The following PCDH9 variants were observed in gnomAD, a reference collection of about 807,000 sequenced individuals.
PCDH9 encodes protocadherin-9.
PCDH9 carries 24 observed loss-of-function variants against 70.6 expected under a neutral mutation model. The ratio of observed to expected loss-of-function variants is 0.34; its 90% CI spans 0.25 to 0.48. The LOEUF is 0.48. Ranked by LOEUF, PCDH9 falls within the 20% of genes least tolerant of loss-of-function variation. The pLI, the probability that PCDH9 is intolerant of heterozygous loss-of-function variation, is 0.99. For missense variants in PCDH9, 1,281 were observed against 1,503.6 expected (o/e 0.85, Z 2.45); for synonymous variants, 562 against 558.5 (o/e 1.01, Z -0.09).
chr13:66,356,796 T>C (rs1593851287), intron 4 of PCDH9, among the ~76,000 whole-genome samples: 1 of 152,114 alleles, frequency 6.6e-6, no homozygotes, highest in South Asian at 2.1e-4. Flanking sequence ...CTAGATATGA[T>C]AAAGCTTTTT....
intron 2 of PCDH9, among the ~76,000 whole-genome samples, chr13:66,946,889 A>T (rs2083096968): frequency 1.3e-5 from 2 of 152,152 alleles, no homozygotes; most frequent in Non-Finnish European, 2.9e-5. Flanking sequence ...CTTATACAAA[A>T]TTTATGTTGA....
intron 4 of PCDH9, among the ~76,000 whole-genome samples, chr13:66,395,522 C>T (rs58298915): frequency 0.01 from 1,558 of 152,146 alleles, 31 homozygotes; most frequent in African/African-American, 0.035. Flanking sequence ...ATCGCTTGAA[C>T]ACGGGAGGCA....
At chr13:67,033,187 C>A (rs189119215) in intron 2 of PCDH9, among the ~76,000 whole-genome samples, 44 of 152,176 alleles carry the variant, frequency 2.9e-4, no homozygotes, top group Admixed American at 1.2e-3. Context: ...TTACATGCTA[C>A]CAATCAGTAC....
chr13:66,494,357 G>C (rs1039873800), intron 4 of PCDH9, among the ~76,000 whole-genome samples: 1 of 152,118 alleles, frequency 6.6e-6, no homozygotes, highest in African/African-American at 2.4e-5. Flanking sequence ...GAAATAGTAG[G>C]AATAGACAAG....
intron 2 of PCDH9, among the ~76,000 whole-genome samples, chr13:67,175,946 T>TAA (rs35318625): frequency 2.7e-4 from 39 of 146,430 alleles, no homozygotes; most frequent in Non-Finnish European, 2.9e-4. Context: ...AGTAAACCAT[T>TAA]AAAAAAAAAA....
At chr13:66,603,593 A>C (rs2077187815) in intron 4 of PCDH9, among the ~76,000 whole-genome samples, 2 of 151,970 alleles carry the variant, frequency 1.3e-5, no homozygotes, top group Non-Finnish European at 2.9e-5. Flanking sequence ...GAATATTTGA[A>C]CTTTAATTAA....
At chr13:66,631,869 C>A (rs1257686501) in intron 3 of PCDH9, among the ~76,000 whole-genome samples, 1 of 152,050 alleles carries the variant, frequency 6.6e-6, no homozygotes, top group Non-Finnish European at 1.5e-5. Flanking sequence ...CAACATATTT[C>A]CTACAGTACC....
chr13:66,441,075 A>G (rs1044185107), intron 4 of PCDH9, among the ~76,000 whole-genome samples: 1 of 152,222 alleles, frequency 6.6e-6, no homozygotes, highest in African/African-American at 2.4e-5. Context: ...CACAGAATAT[A>G]CACTAAGAAA....
At chr13:66,588,138 C>T (rs2076987734) in intron 4 of PCDH9, among the ~76,000 whole-genome samples, 1 of 152,022 alleles carries the variant, frequency 6.6e-6, no homozygotes, top group Admixed American at 6.6e-5. Context: ...CATTGGGCCA[C>T]CTTCACATAG....
rs181985493 is a variant in PCDH9, at chr13:66,451,806, T to A, written c.3341-146778A>T. 8.5e-4 allele frequency among the ~76,000 whole-genome samples: 129 copies of A among 152,370 alleles called. 2 individuals are homozygous for A. The East Asian group carries it at 0.023, about 28-fold the overall frequency. ...CATATGGAAAATTAATCTACATTTT[T>A]AAATTGGAGATCCTGTGATATTCCT... On this transcript the variant is annotated intron_variant, in intron 4 of 4. Transcript: ENST00000377865.
At chr13:67,178,118 A>G (rs757370098) in intron 2 of PCDH9, among the ~76,000 whole-genome samples, 1 of 151,978 alleles carries the variant, frequency 6.6e-6, no homozygotes, top group Non-Finnish European at 1.5e-5. Flanking sequence ...TTTCTTCTCT[A>G]CCTCACTTAC....
chr13:66,331,624 G>A (rs571029360), intron 4 of PCDH9, among the ~76,000 whole-genome samples: 1 of 152,250 alleles, frequency 6.6e-6, no homozygotes, highest in Non-Finnish European at 1.5e-5. Context: ...AAATGAATTA[G>A]CAGAAGGTTT....
intron 3 of PCDH9, among the ~76,000 whole-genome samples, chr13:66,787,270 T>C (rs897459057): frequency 1.3e-5 from 2 of 152,168 alleles, no homozygotes; most frequent in South Asian, 2.1e-4. Flanking sequence ...GAGCCTGTAT[T>C]GTTAGTATTT....
intron 3 of PCDH9, among the ~76,000 whole-genome samples, chr13:66,672,038 GA>G (rs930630855): frequency 6.6e-6 from 1 of 152,004 alleles, no homozygotes; most frequent in East Asian, 1.9e-4. Flanking sequence ...GGTATGGGAG[GA>G]AAAAAATGGT....
chr13:66,445,622 C>G (rs868310717), intron 4 of PCDH9, among the ~76,000 whole-genome samples: 11 of 134,372 alleles, frequency 8.2e-5, no homozygotes, highest in African/African-American at 1.4e-4. Context: ...TATATATACA[C>G]ATATATATTA....
chr13:66,923,598 A>G (rs992878696), intron 2 of PCDH9, among the ~76,000 whole-genome samples: 5 of 151,666 alleles, frequency 3.3e-5, no homozygotes, highest in Non-Finnish European at 5.9e-5. Context: ...TTTGTTCTTT[A>G]TAACTACCCA....
At chr13:66,311,412 G>A (rs186079779) in intron 4 of PCDH9, among the ~76,000 whole-genome samples, 30 of 151,500 alleles carry the variant, frequency 2.0e-4, no homozygotes, top group African/African-American at 6.0e-4. Context: ...TTTTGAGACA[G>A]TGTGTACCAG....
At position 66,302,892 on chromosome 13, in the gene PCDH9, C is replaced by G. The variant is rs1955390858; in HGVS notation, c.*1763G>C. 6.6e-6 allele frequency: 1 copy of G among 152,390 alleles called. No homozygotes were observed. Among genetic ancestry groups the G allele is most frequent in the South Asian group, 2.1e-4 (1 of 4,816 alleles). 9.4% of individuals were successfully genotyped at this position (152,390 alleles called of 1,614,324 possible). A position where few individuals can be genotyped will look rare whatever the true frequency, so the allele number is the denominator to read the frequency against. On this transcript the variant is annotated 3_prime_UTR_variant, in exon 5 of 5. Coordinates refer to ENST00000377865, the MANE Select transcript of PCDH9 (RefSeq NM_203487.3). The stretch of plus-strand genomic sequence containing the variant: ...ATAATTGTAAATAACGTAGAACTGG[C>G]AAAGCAGTAACAAGGATAATTGTTT...
intron 2 of PCDH9, chr13:67,211,162 T>G (rs1471242816): frequency 6.6e-6 from 1 of 151,998 alleles, no homozygotes; most frequent in Non-Finnish European, 1.5e-5. Context: ...CTAAATTAAT[T>G]TTAACCAATA....
Sources: gnomAD v4.1 joint callset for allele counts (sites outside exome capture counted in the v4.1 genomes callset) on GRCh38, gnomAD v4.1.1 for gene constraint, MANE v1.5 for transcripts, NCBI Gene and HGNC (gene_info 2026-07-23, HGNC 2026-07-21) for gene names.